N4BP2L2: variants seen among roughly 807,000 people sequenced by gnomAD.
N4BP2L2 encodes NEDD4-binding protein 2-like 2.
N4BP2L2 carries 50 observed loss-of-function variants against 56.2 expected under a neutral mutation model. The ratio of observed to expected loss-of-function variants is 0.89; its 90% CI spans 0.71 to 1.13. N4BP2L2 has a LOEUF of 1.13. Ranked by LOEUF, N4BP2L2 falls within the 50% of genes most tolerant of loss-of-function variation. N4BP2L2 has a pLI of 0.00. For synonymous variants in N4BP2L2, 203 were observed against 223.6 expected, an observed-to-expected ratio of 0.91 and a Z score of 0.82; for missense variants, 689 against 693.8, an observed-to-expected ratio of 0.99 and a Z score of 0.08.
chr13:32,519,627 G>A (rs1053450124), intron 5 of N4BP2L2, among the ~76,000 whole-genome samples: 1 of 151,812 alleles, frequency 6.6e-6, no homozygotes, highest in Non-Finnish European at 1.5e-5. Context: ...TCCAGCCTGG[G>A]AAACAAAATG....
At chr13:32,440,593 A>G (rs1212450543) in intron 7 of N4BP2L2, among the ~76,000 whole-genome samples, 1 of 151,684 alleles carries the variant, frequency 6.6e-6, no homozygotes, top group African/African-American at 2.4e-5. Flanking sequence ...CAGCCTCCTA[A>G]CTAGGTTTAC....
At chr13:32,530,746 C>G (rs1169569475) in intron 2 of N4BP2L2, among the ~76,000 whole-genome samples, 1 of 152,012 alleles carries the variant, frequency 6.6e-6, no homozygotes, top group Non-Finnish European at 1.5e-5. Flanking sequence ...TCCTTGACCC[C>G]AAAACCAAAG....
chr13:32,501,708 G>A (rs1335381031), intron 6 of N4BP2L2, among the ~76,000 whole-genome samples: 1 of 151,914 alleles, frequency 6.6e-6, no homozygotes, highest in African/African-American at 2.4e-5. Flanking sequence ...TCAGCTACTC[G>A]GGAGGCTGAG....
intron 6 of N4BP2L2, among the ~76,000 whole-genome samples, chr13:32,458,801 T>C (rs997734534): frequency 6.6e-6 from 1 of 152,188 alleles, no homozygotes; most frequent in African/African-American, 2.4e-5. Context: ...CTAACAGATA[T>C]CTACAGAACA....
At chr13:32,510,318 C>G (rs1328134537) in exon 6 of N4BP2L2, 1 of 151,870 alleles carries the variant, frequency 6.6e-6, no homozygotes, top group East Asian at 1.9e-4. Context: ...TTATTGAACA[C>G]TATACATTTC....
chr13:32,535,632 G>C lies in N4BP2L2; in HGVS notation c.1259+137C>G, dbSNP rs2056363338. The C allele has an allele frequency of 3.0e-5, 25 of 841,352 alleles. No individual in the cohort carries two copies. In the South Asian group the frequency reaches 4.4e-4, roughly 15 times the overall value. The allele number at this position is 841,352 out of a possible 1,614,324, so 52.1% of individuals were successfully genotyped here. On this transcript the variant is annotated intron_variant, in intron 2 of 5. Coordinates refer to ENST00000267068, the Ensembl canonical transcript of N4BP2L2. ...TTGCCCAGGCTGGTCTCAAACTCCT[G>C]AGCTCAAGTGACTGGTCCACCCTGG... is the stretch of plus-strand genomic sequence containing the variant.
chr13:32,456,401 C>G (rs2078993365), intron 6 of N4BP2L2, among the ~76,000 whole-genome samples: 1 of 152,068 alleles, frequency 6.6e-6, no homozygotes, highest in Admixed American at 6.6e-5. Context: ...AAAAGCATAG[C>G]CAAAAATTTG....
intron 6 of N4BP2L2, among the ~76,000 whole-genome samples, chr13:32,495,480 C>T (rs1479164027): frequency 6.6e-6 from 1 of 152,196 alleles, no homozygotes; most frequent in East Asian, 1.9e-4. Flanking sequence ...CTTCTAGATA[C>T]TCCCAAGGAC....
chr13:32,452,269 C>T (rs1481682173), intron 6 of N4BP2L2, among the ~76,000 whole-genome samples: 3 of 152,126 alleles, frequency 2.0e-5, no homozygotes, highest in African/African-American at 7.2e-5. Flanking sequence ...CTATGTTGGT[C>T]AGGCTGGTCT....
chr13:32,449,915 T>A (rs1460207988), intron 6 of N4BP2L2, among the ~76,000 whole-genome samples: 2 of 152,134 alleles, frequency 1.3e-5, no homozygotes, highest in Non-Finnish European at 2.9e-5. Flanking sequence ...TGGAAAAAAA[T>A]TTTTTTAAAC....
chr13:32,440,526 G>A (rs979294338), intron 7 of N4BP2L2, among the ~76,000 whole-genome samples: 1 of 152,168 alleles, frequency 6.6e-6, no homozygotes, highest in Admixed American at 6.5e-5. Context: ...GAGTGCAGTG[G>A]CGCGATCTCA....
intron 6 of N4BP2L2, chr13:32,505,246 C>G (rs2090742564): frequency 6.6e-6 from 1 of 152,228 alleles, no homozygotes. Context: ...CAACAGACTT[C>G]CTTCATTTTT....
intron 6 of N4BP2L2, chr13:32,504,460 T>C (rs1281721085): frequency 6.6e-6 from 1 of 152,210 alleles, no homozygotes; most frequent in African/African-American, 2.4e-5. Context: ...AAAGACACCA[T>C]TCATATTGGA....
chr13:32,530,324 T>C (rs1013976786), intron 2 of N4BP2L2, among the ~76,000 whole-genome samples: 1 of 152,192 alleles, frequency 6.6e-6, no homozygotes, highest in Non-Finnish European at 1.5e-5. Flanking sequence ...GAAGCTTTAT[T>C]TTATGGACTT....
At chr13:32,446,265 T>C (rs2077032499) in intron 6 of N4BP2L2, 4 of 808,254 alleles carry the variant, frequency 4.9e-6, no homozygotes, top group African/African-American at 1.8e-5. Context: ...AACACTAATG[T>C]ACCTAGAAAC....
exon 7 of N4BP2L2, chr13:32,442,440 T>C (rs1428816215): frequency 1.2e-6 from 2 of 1,611,266 alleles, no homozygotes; most frequent in East Asian, 2.2e-5. Flanking sequence ...AGGCAAACCC[T>C]TGTGATAATG....
At chr13:32,536,351 T>C in exon 2 of N4BP2L2, 1 of 1,614,134 alleles carries the variant, frequency 6.2e-7, no homozygotes, top group Middle Eastern at 1.7e-4. Context: ...CATAGCTTTA[T>C]TACTAAGATC....
At chr13:32,523,024 T>G (rs907172174) in intron 3 of N4BP2L2, 2 of 152,134 alleles carry the variant, frequency 1.3e-5, no homozygotes, top group African/African-American at 4.8e-5. Flanking sequence ...AAATTGTGAG[T>G]TGCTGTAGAA....
chr13:32,476,421 G>C (rs2083334014), intron 6 of N4BP2L2, among the ~76,000 whole-genome samples: 1 of 152,134 alleles, frequency 6.6e-6, no homozygotes, highest in Admixed American at 6.5e-5. Context: ...GTGGAATTCT[G>C]ATGCTGAGTG....
Sources: gnomAD v4.1 joint callset for allele counts (sites outside exome capture counted in the v4.1 genomes callset) on GRCh38, gnomAD v4.1.1 for gene constraint, MANE v1.5 for transcripts, NCBI Gene and HGNC (gene_info 2026-07-23, HGNC 2026-07-21) for gene names.